The following PDE7B variants were observed in gnomAD, a reference collection of about 807,000 sequenced individuals.
PDE7B encodes the protein phosphodiesterase 7B, also known as 3',5'-cyclic-AMP phosphodiesterase 7B.
PDE7B carries 29 observed loss-of-function variants against 56.2 expected under a neutral mutation model. The observed-to-expected ratio is 0.52, with a 90% CI of 0.38 to 0.70. PDE7B has a LOEUF of 0.70. PDE7B is among the 30% of genes least tolerant of loss of function. The probability of loss-of-function intolerance (pLI) is 0.00; values close to 1 mark genes in which losing one functional copy is unlikely to be tolerated. For synonymous variants in PDE7B, 197 were observed against 196.9 expected (o/e 1.00, Z 0.00); for missense variants, 490 against 565.0 (o/e 0.87, Z 1.35).
intron 2 of PDE7B, among the ~76,000 whole-genome samples, chr6:135,990,572 G>T (rs998653138): frequency 1.3e-5 from 2 of 152,222 alleles, no homozygotes; most frequent in African/African-American, 4.8e-5. Flanking sequence ...CATCCTGCTA[G>T]CCAGGAGTTG....
chr6:136,062,037 T>G (rs1776854168), intron 2 of PDE7B, among the ~76,000 whole-genome samples: 1 of 152,150 alleles, frequency 6.6e-6, no homozygotes, highest in African/African-American at 2.4e-5. Context: ...ATGCTTACTG[T>G]GATAGAGCCG....
intron 8 of PDE7B, among the ~76,000 whole-genome samples, chr6:136,167,869 G>A (rs940802593): frequency 2.0e-4 from 30 of 152,284 alleles, no homozygotes; most frequent in African/African-American, 6.5e-4. Context: ...AGCTTATAAT[G>A]TAGTAAAAGA....
intron 2 of PDE7B, among the ~76,000 whole-genome samples, chr6:136,023,220 C>T (rs537502854): frequency 6.6e-6 from 1 of 152,108 alleles, no homozygotes; most frequent in South Asian, 2.1e-4. Flanking sequence ...CAATGAATAA[C>T]CTGCTCTGAT....
intron 2 of PDE7B, among the ~76,000 whole-genome samples, chr6:135,968,743 C>G (rs1775041793): frequency 6.6e-6 from 1 of 152,090 alleles, no homozygotes; most frequent in Admixed American, 6.5e-5. Flanking sequence ...CCTCAAAGAC[C>G]TAGAACCAGA....
At chr6:136,185,304 C>T (rs1779126458) in intron 11 of PDE7B, among the ~76,000 whole-genome samples, 1 of 152,154 alleles carries the variant, frequency 6.6e-6, no homozygotes, top group Non-Finnish European at 1.5e-5. Flanking sequence ...AGTGCAGACA[C>T]TTTGAAGCCA....
intron 9 of PDE7B, among the ~76,000 whole-genome samples, chr6:136,178,366 C>T (rs1779012674): frequency 6.6e-6 from 1 of 152,028 alleles, no homozygotes. Context: ...TCCTTTATTA[C>T]TTTTTATATG....
Position 136,108,801 on chromosome 6 carries a change from C to A in PDE7B, c.153C>A (p.Phe51Leu), listed in dbSNP as rs1020508191. The A allele has an allele frequency of 6.3e-7, 1 of 1,597,526 alleles. No homozygotes were observed. Among genetic ancestry groups the A allele is most frequent in the African/African-American group, 1.3e-5 (1 of 74,672 alleles). Residue 51 changes from phenylalanine to leucine, a missense_variant, in exon 3 of 13, where the codon TTC (phenylalanine) becomes TTA (leucine). Phe to Leu is a conservative substitution (Grantham distance 22, BLOSUM62 0). Transcript: ENST00000308191. ...ERRGSYPFID[F>L]RLLNSTTYSG... ...GTGGCTCCTACCCATTCATTGACTTCCGCCTACTTAACAGTGAGTAATCAA... is the reference window on the plus strand; with the variant it reads ...GTGGCTCCTACCCATTCATTGACTTACGCCTACTTAACAGTGAGTAATCAA...
intron 1 of PDE7B, among the ~76,000 whole-genome samples, chr6:135,918,211 C>T (rs1583769131): frequency 6.6e-6 from 1 of 152,174 alleles, no homozygotes; most frequent in South Asian, 2.1e-4. Flanking sequence ...GGCTCCTCCT[C>T]CCTGTGCCTA....
intron 1 of PDE7B, among the ~76,000 whole-genome samples, chr6:135,935,194 A>ATTTATATT (rs1443119571): frequency 3.9e-5 from 3 of 77,234 alleles, no homozygotes; most frequent in African/African-American, 2.2e-4. Flanking sequence ...ATTTATTTAT[A>ATTTATATT]TATATATATA....
At chr6:136,022,338 T>G (rs543814455) in intron 2 of PDE7B, among the ~76,000 whole-genome samples, 3 of 152,228 alleles carry the variant, frequency 2.0e-5, no homozygotes, top group African/African-American at 7.2e-5. Flanking sequence ...CTTTGTTACA[T>G]GCTTAGACCA....
chr6:135,927,478 G>A (rs1410266814), intron 1 of PDE7B, among the ~76,000 whole-genome samples: 2 of 152,122 alleles, frequency 1.3e-5, no homozygotes, highest in East Asian at 1.9e-4. Flanking sequence ...TCTTTGGGCA[G>A]TATGGCCATT....
At chr6:136,143,903 AT>A (rs1778369363) in intron 3 of PDE7B, among the ~76,000 whole-genome samples, 2 of 152,186 alleles carry the variant, frequency 1.3e-5, no homozygotes, top group South Asian at 4.1e-4. Flanking sequence ...TTTGTGGCAT[AT>A]TTCCATCATT....
chr6:135,999,033 T>G (rs2128205935), intron 2 of PDE7B, among the ~76,000 whole-genome samples: 1 of 152,220 alleles, frequency 6.6e-6, no homozygotes, highest in Non-Finnish European at 1.5e-5. Context: ...GGTGAATTTA[T>G]CACCTTTTCT....
chr6:135,965,311 GCAGGATCTGCT>G (rs1252715795), intron 2 of PDE7B, among the ~76,000 whole-genome samples: 3 of 152,164 alleles, frequency 2.0e-5, no homozygotes, highest in African/African-American at 7.2e-5. Flanking sequence ...TTCAGGAGCA[GCAGGATCTGCT>G]CAGGATCTGC....
At chr6:136,132,258 T>C (rs1486109130) in intron 3 of PDE7B, among the ~76,000 whole-genome samples, 1 of 152,110 alleles carries the variant, frequency 6.6e-6, no homozygotes, top group Non-Finnish European at 1.5e-5. Context: ...GTTTGGCTAC[T>C]TTACTATACC....
intron 2 of PDE7B, among the ~76,000 whole-genome samples, chr6:136,002,404 A>G (rs559325135): frequency 1.2e-4 from 18 of 152,334 alleles, no homozygotes; most frequent in African/African-American, 3.8e-4. Context: ...ACACAGACTG[A>G]GAAATTGGAT....
At chr6:136,000,878 A>G (rs1775655551) in intron 2 of PDE7B, among the ~76,000 whole-genome samples, 1 of 152,174 alleles carries the variant, frequency 6.6e-6, no homozygotes, top group Non-Finnish European at 1.5e-5. Context: ...GAGATCTGAG[A>G]ATGGGCAGAC....
chr6:135,915,039 G>A (rs1231954622), intron 1 of PDE7B, among the ~76,000 whole-genome samples: 1 of 151,340 alleles, frequency 6.6e-6, no homozygotes, highest in African/African-American at 2.4e-5. Flanking sequence ...GTTGCAGTGA[G>A]CCAATATTGT....
At chr6:136,170,108 T>C (rs1214837258) in intron 8 of PDE7B, among the ~76,000 whole-genome samples, 4 of 152,172 alleles carry the variant, frequency 2.6e-5, no homozygotes, top group Admixed American at 6.5e-5. Context: ...TAATGGAGCA[T>C]TGATTGTGTC....
Sources: gnomAD v4.1 joint callset for allele counts (sites outside exome capture counted in the v4.1 genomes callset) on GRCh38, gnomAD v4.1.1 for gene constraint, MANE v1.5 for transcripts, NCBI Gene and HGNC (gene_info 2026-07-23, HGNC 2026-07-21) for gene names.